Variants in ZNF92 observed in about 807,000 individuals in gnomAD.
ZNF92 encodes the protein zinc finger protein 92.
Under a neutral mutation model 12.4 loss-of-function variants are expected in ZNF92, and 11 were observed. That is an observed-to-expected ratio of 0.89 (90% CI 0.56 to 1.47). The LOEUF is 1.47. ZNF92 is among the 40% of genes most tolerant of loss of function. The pLI, the probability that ZNF92 is intolerant of heterozygous loss-of-function variation, is 0.00. For missense variants in ZNF92, 622 were observed against 681.0 expected (o/e 0.91, Z 0.96); for synonymous variants, 206 against 228.6 (o/e 0.90, Z 0.89).
chr7:65,390,449 G>A (rs1233425534), intron 3 of ZNF92, among the ~76,000 whole-genome samples: 1 of 151,686 alleles, frequency 6.6e-6, no homozygotes, highest in African/African-American at 2.4e-5. Context: ...GGGTTCCCAC[G>A]GTGATGGGAT....
At chr7:65,378,228 A>T (rs557700761) in intron 1 of ZNF92, among the ~76,000 whole-genome samples, 1 of 150,668 alleles carries the variant, frequency 6.6e-6, no homozygotes, top group African/African-American at 2.4e-5. Flanking sequence ...AACCTGGGAG[A>T]TGGAGGTTGC....
chr7:65,391,618 A>G (rs1292314820), intron 3 of ZNF92, among the ~76,000 whole-genome samples: 1 of 152,166 alleles, frequency 6.6e-6, no homozygotes, highest in Non-Finnish European at 1.5e-5. Context: ...GGCACTAACC[A>G]TATTCAGCAA....
At position 65,399,946 on chromosome 7, in the gene ZNF92, G is replaced by A. The variant is rs1793967462; in HGVS notation, c.*71G>A. ...TAAACCATATTGGTGCCCTAGAAAT[G>A]TGAGGAATATGACAAGGACTTTAAA... On this transcript the variant is annotated 3_prime_UTR_variant, in exon 4 of 4. Coordinates refer to ENST00000328747, the MANE Select transcript of ZNF92 (RefSeq NM_152626.4). The A allele has an allele frequency of 1.5e-6, 2 of 1,329,794 alleles. No individual in the cohort carries two copies. The highest frequency in any genetic ancestry group is 2.0e-6 in the Non-Finnish European group (2 of 976,962). The allele number at this position is 1,329,794 out of a possible 1,614,324, so 82.4% of individuals were successfully genotyped here.
intron 3 of ZNF92, among the ~76,000 whole-genome samples, chr7:65,390,954 A>G (rs1313828434): frequency 6.6e-6 from 1 of 152,068 alleles, no homozygotes; most frequent in African/African-American, 2.4e-5. Context: ...GTAAGTTCAG[A>G]ATTCTCAGTG....
At chr7:65,379,875 T>C (rs1200525622) in intron 1 of ZNF92, among the ~76,000 whole-genome samples, 1 of 152,084 alleles carries the variant, frequency 6.6e-6, no homozygotes, top group Non-Finnish European at 1.5e-5. Context: ...ATCTTTTCTG[T>C]TTTGTTTTTG....
At chr7:65,374,163 A>T (rs905960045) in intron 1 of ZNF92, among the ~76,000 whole-genome samples, 163 bp downstream of exon 1, 1 of 151,754 alleles carries the variant, frequency 6.6e-6, no homozygotes, top group African/African-American at 2.4e-5. Flanking sequence ...CAGCCATAAG[A>T]TGGCGGCTGG....
chr7:65,377,712 T>A (rs59672155), intron 1 of ZNF92, among the ~76,000 whole-genome samples: 6 of 151,494 alleles, frequency 4.0e-5, no homozygotes, highest in Admixed American at 2.0e-4. Flanking sequence ...GACTACAGGC[T>A]CGTGCCACCA....
chr7:65,394,311 T>G (rs568691388), intron 3 of ZNF92, among the ~76,000 whole-genome samples: 4 of 145,152 alleles, frequency 2.8e-5, no homozygotes, highest in Non-Finnish European at 4.8e-5. Flanking sequence ...AGAGACTATC[T>G]TTCCTCTATT....
At chr7:65,392,155 T>C (rs1793733916) in intron 3 of ZNF92, among the ~76,000 whole-genome samples, 1 of 152,120 alleles carries the variant, frequency 6.6e-6, no homozygotes, top group Admixed American at 6.6e-5. Context: ...TGTGTGTTTT[T>C]ATCTATTAAT....
At chr7:65,374,679 GTTAT>G (rs1184737244) in intron 1 of ZNF92, among the ~76,000 whole-genome samples, 1 of 151,904 alleles carries the variant, frequency 6.6e-6, no homozygotes, top group Non-Finnish European at 1.5e-5. Context: ...TTCCCTCGGT[GTTAT>G]TTACCCTCCC....
chr7:65,382,620 G>C (rs374314902), intron 1 of ZNF92, among the ~76,000 whole-genome samples: 3 of 152,076 alleles, frequency 2.0e-5, no homozygotes, highest in Non-Finnish European at 4.4e-5. Flanking sequence ...AATGACTCTT[G>C]TATCTTTAGA....
chr7:65,384,179 GTA>G (rs779916127), intron 1 of ZNF92, among the ~76,000 whole-genome samples: 1 of 152,078 alleles, frequency 6.6e-6, no homozygotes, highest in Non-Finnish European at 1.5e-5. Context: ...TTGCTTATTA[GTA>G]TATGTTATAA....
At chr7:65,379,240 C>T (rs969710779) in intron 1 of ZNF92, among the ~76,000 whole-genome samples, 6 of 152,090 alleles carry the variant, frequency 3.9e-5, no homozygotes, top group Admixed American at 1.3e-4. Flanking sequence ...AATCAGGGTC[C>T]GTGCAGACTC....
intron 1 of ZNF92, 37 bp from the exon 2 acceptor site, chr7:65,387,865 A>G: frequency 6.5e-7 from 1 of 1,549,206 alleles, no homozygotes; most frequent in Admixed American, 2.1e-5. Context: ...CACTTAGTAA[A>G]CATATGTGTG....
Position 65,401,080 on chromosome 7 carries a change from CATTT to C in ZNF92, c.*1207_*1210del, listed in dbSNP as rs1204592100. 4 of 151,908 alleles carry C rather than the reference CATTT, an allele frequency of 2.6e-5. No homozygotes were observed. Among genetic ancestry groups the C allele is most frequent in the Non-Finnish European group, 5.9e-5 (4 of 67,930 alleles). 9.4% of individuals were successfully genotyped at this position (151,908 alleles called of 1,614,324 possible). A position where few individuals can be genotyped will look rare whatever the true frequency, so the allele number is the denominator to read the frequency against. ...TGTAATAAAATGCAGTACTTTAAAA[CATTT>C]AGATTGTGTGTGAACTTAATTTTGT... is the stretch of plus-strand genomic sequence containing the variant. On this transcript the variant is annotated 3_prime_UTR_variant, in exon 4 of 4. Coordinates refer to ENST00000328747, the MANE Select transcript of ZNF92 (RefSeq NM_152626.4).
At chr7:65,375,807 C>T (rs1349810655) in intron 1 of ZNF92, among the ~76,000 whole-genome samples, 2 of 151,944 alleles carry the variant, frequency 1.3e-5, no homozygotes, top group East Asian at 3.9e-4. Context: ...AAGATCATGC[C>T]ACTGCACTCC....
intron 3 of ZNF92, among the ~76,000 whole-genome samples, chr7:65,395,427 T>G (rs1793820821): frequency 6.6e-6 from 1 of 152,114 alleles, no homozygotes; most frequent in South Asian, 2.1e-4. Context: ...ATATTGTGTA[T>G]TCCCTTGCTT....
intron 1 of ZNF92, among the ~76,000 whole-genome samples, chr7:65,382,181 T>C (rs1793437956): frequency 6.6e-6 from 1 of 152,070 alleles, no homozygotes; most frequent in Non-Finnish European, 1.5e-5. Flanking sequence ...CTGTAAATTC[T>C]TCTACTTATG....
At chr7:65,389,310 T>TG (rs1793651953) in intron 3 of ZNF92, among the ~76,000 whole-genome samples, 1 of 152,028 alleles carries the variant, frequency 6.6e-6, no homozygotes, top group Admixed American at 6.6e-5. Context: ...AAATAGTTTC[T>TG]GGGAAGCCTG....
Sources: gnomAD v4.1 joint callset for allele counts (sites outside exome capture counted in the v4.1 genomes callset) on GRCh38, gnomAD v4.1.1 for gene constraint, MANE v1.5 for transcripts, NCBI Gene and HGNC (gene_info 2026-07-23, HGNC 2026-07-21) for gene names.